The following UTRN variants were observed in gnomAD, a reference collection of about 807,000 sequenced individuals.
UTRN encodes utrophin.
In UTRN, 283 loss-of-function variants were observed where a neutral mutation model predicts 463.9. The ratio of observed to expected loss-of-function variants is 0.61; its 90% CI spans 0.55 to 0.67. The LOEUF is 0.67. Ranked by LOEUF, UTRN falls within the 30% of genes least tolerant of loss-of-function variation. The pLI, the probability that UTRN is intolerant of heterozygous loss-of-function variation, is 0.00. For synonymous variants in UTRN, 1,442 were observed against 1,431.5 expected (o/e 1.01, Z -0.17); for missense variants, 3,922 against 4,084.3 (o/e 0.96, Z 1.08).
chr6:144,590,690 C>T (rs1363061328), intron 51 of UTRN, among the ~76,000 whole-genome samples: 1 of 152,130 alleles, frequency 6.6e-6, no homozygotes, highest in African/African-American at 2.4e-5. Context: ...GAATTTTAGT[C>T]GTTCACACGA....
At chr6:144,609,299 A>G (rs1201373259) in intron 51 of UTRN, among the ~76,000 whole-genome samples, 1 of 152,236 alleles carries the variant, frequency 6.6e-6, no homozygotes, top group Non-Finnish European at 1.5e-5. Context: ...AGCTATACTT[A>G]TATCAGACAA....
At position 144,533,158 on chromosome 6, in the gene UTRN, A is replaced by G. The variant is rs1797215121; in HGVS notation, c.6131A>G (p.Gln2044Arg). The stretch of plus-strand genomic sequence containing the variant: ...AACCGAACTGGGGATGGGATTGTGC[A>G]GAAACTCTCCCAGGCAGATGGAAGC... Reference protein sequence around the residue: ...ALNRTGDGIVQKLSQADGSFL... With the variant: ...ALNRTGDGIVRKLSQADGSFL... The change falls in exon 43 of 75, where the codon CAG becomes CGG. Residue 2044 changes from glutamine (Q) to arginine (R), a missense_variant. Physicochemically the swap from Gln to Arg is conservative, Grantham distance 43. This residue lies in a region of UTRN where 2,349 missense variants were observed against 2,303.8 expected (regional missense o/e 1.02). Transcript: ENST00000367545. 1 of 1,614,172 alleles carries G rather than the reference A, an allele frequency of 6.2e-7. No individual in the cohort carries two copies. The highest frequency in any genetic ancestry group is 2.2e-5 in the East Asian group (1 of 44,880).
At chr6:144,302,393 C>A (rs547115759) in intron 2 of UTRN, among the ~76,000 whole-genome samples, 1 of 152,082 alleles carries the variant, frequency 6.6e-6, no homozygotes. Flanking sequence ...CACCTGTAAT[C>A]CCAGCTACTT....
intron 51 of UTRN, among the ~76,000 whole-genome samples, chr6:144,640,916 A>T (rs1777697440): frequency 6.6e-6 from 1 of 152,174 alleles, no homozygotes; most frequent in Non-Finnish European, 1.5e-5. Flanking sequence ...TTTATTTCAG[A>T]TTAATAAGTA....
chr6:144,384,481 C>A (rs1249512151), intron 2 of UTRN, among the ~76,000 whole-genome samples: 6 of 152,132 alleles, frequency 3.9e-5, no homozygotes, highest in African/African-American at 1.4e-4. Context: ...ACTGCCTCCC[C>A]CACTGCCCCG....
chr6:144,461,910 T>C (rs1002359260), intron 22 of UTRN, among the ~76,000 whole-genome samples: 4 of 152,214 alleles, frequency 2.6e-5, no homozygotes, highest in Non-Finnish European at 5.9e-5. Context: ...TGTTTTGTTT[T>C]TTGATTTCCA....
rs549670929 is a variant in UTRN at position 144,781,774 on chromosome 6, A to G, written c.8633-148A>G. 2.5e-5 allele frequency: 14 copies of G among 569,828 alleles called. No individual in the cohort carries two copies. The African/African-American group carries it at 2.6e-4, about 11-fold the overall frequency. The allele number at this position is 569,828 out of a possible 1,614,324, so 35.3% of individuals were successfully genotyped here. ...AGAATAGAAATGTGTTTGTTTCTTTAAAAGCTGAAATTTAGCTAAAAAGGA... is the reference window on the plus strand; with the variant it reads ...AGAATAGAAATGTGTTTGTTTCTTTGAAAGCTGAAATTTAGCTAAAAAGGA... On this transcript the variant is annotated intron_variant, in intron 60 of 74. Transcript: ENST00000367545.
intron 51 of UTRN, among the ~76,000 whole-genome samples, chr6:144,608,541 G>A (rs187203991): frequency 9.9e-4 from 151 of 152,224 alleles, no homozygotes; most frequent in Non-Finnish European, 1.3e-3. Flanking sequence ...AACAATAAGC[G>A]GAACAGTTTT....
chr6:144,319,611 A>G (rs1775503432), intron 2 of UTRN, among the ~76,000 whole-genome samples: 1 of 152,206 alleles, frequency 6.6e-6, no homozygotes, highest in South Asian at 2.1e-4. Context: ...TCTGTTGCCC[A>G]GGCTGGAGTG....
rs1421086930 is a variant in UTRN at position 144,403,200 on chromosome 6, A to G, written c.141+16A>G. On this transcript the variant is annotated intron_variant, in intron 3 of 74. Coordinates refer to ENST00000367545, the MANE Select transcript of UTRN (RefSeq NM_007124.3). ...ATTTTCAAAGGTAACTGAGACTTTC[A>G]AAAACTTCGATGGTTCAGATGCCGC... 5.6e-6 allele frequency: 9 copies of G among 1,610,048 alleles called. No homozygotes were observed. The Admixed American group carries it at 1.5e-4, about 27-fold the overall frequency.
At chr6:144,347,837 G>GTTTTTTTTTTGTTT (rs1777720200) in intron 2 of UTRN, among the ~76,000 whole-genome samples, 1 of 128,902 alleles carries the variant, frequency 7.8e-6, no homozygotes, top group African/African-American at 3.4e-5. Context: ...CTTATTCTTT[G>GTTTTTTTTTTGTTT]TTTTTTTTTT....
Position 144,674,292 on chromosome 6 carries a change from A to G in UTRN, c.7480-4114A>G, listed in dbSNP as rs143429061. The stretch of plus-strand genomic sequence containing the variant: ...CCTCAGGAACATGAATTATTCTTAG[A>G]TTTGGTTGTTTAACATAATCCTAAA... On this transcript the variant is annotated intron_variant, in intron 51 of 74. Transcript: ENST00000367545. 6.0e-3 allele frequency among the ~76,000 whole-genome samples: 877 copies of G among 147,112 alleles called. 8 individuals are homozygous for G. Among genetic ancestry groups the G allele is most frequent in the African/African-American group, 0.021 (844 of 39,916 alleles).
At chr6:144,668,798 A>C (rs753336194) in intron 51 of UTRN, among the ~76,000 whole-genome samples, 5 of 152,226 alleles carry the variant, frequency 3.3e-5, no homozygotes, top group Non-Finnish European at 7.3e-5. Context: ...GGGGTTCAAA[A>C]AAAAGAATTT....
chr6:144,702,112 C>T (rs914557639), intron 53 of UTRN, among the ~76,000 whole-genome samples: 1 of 152,158 alleles, frequency 6.6e-6, no homozygotes, highest in African/African-American at 2.4e-5. Context: ...AATAGATGTG[C>T]TCTGTAAGGA....
intron 55 of UTRN, among the ~76,000 whole-genome samples, chr6:144,749,615 G>A (rs1051000670): frequency 1.3e-5 from 2 of 152,084 alleles, no homozygotes; most frequent in Admixed American, 1.3e-4. Context: ...TTTATCTCGA[G>A]CCCCTTAATT....
In UTRN at chr6:144,315,091, G is replaced by C. The variant is rs568524961; in HGVS notation, c.79+23184G>C. Among the ~76,000 whole-genome samples the C allele has an allele frequency of 1.0e-3, 156 of 152,198 alleles. 1 individual carries two copies. The highest frequency in any genetic ancestry group is 3.6e-3 in the African/African-American group (148 of 41,528). On this transcript the variant is annotated intron_variant, in intron 2 of 74. Transcript: ENST00000367545. ...GACCCAGGGCCTGGGCACTTAGTGG[G>C]CTATAAGAGTTTCTAATTTGCTTGT...
chr6:144,290,398 C>T (rs1227999848), intron 1 of UTRN, among the ~76,000 whole-genome samples: 1 of 152,162 alleles, frequency 6.6e-6, no homozygotes, highest in Admixed American at 6.5e-5. Flanking sequence ...TTTGAAGAAA[C>T]CAGGCCATTT....
At chr6:144,562,763 C>G (rs1800053449) in intron 50 of UTRN, among the ~76,000 whole-genome samples, 1 of 152,112 alleles carries the variant, frequency 6.6e-6, no homozygotes, top group Non-Finnish European at 1.5e-5. Context: ...GTTGTTAGGT[C>G]TTTGAGGAAT....
chr6:144,512,556 C>CTT (rs755830136), intron 35 of UTRN, among the ~76,000 whole-genome samples: 5 of 143,792 alleles, frequency 3.5e-5, no homozygotes, highest in Admixed American at 7.0e-5. Context: ...TATTTGTTCA[C>CTT]TTTTTTTTTT....
Sources: allele counts gnomAD v4.1 joint callset (sites outside exome capture counted in the v4.1 genomes callset), GRCh38; gene constraint gnomAD v4.1.1; regional missense constraint gnomAD v4.1.1; transcripts MANE v1.5; gene names NCBI Gene and HGNC (gene_info 2026-07-23, HGNC 2026-07-21).